RANBP2: variants seen among roughly 807,000 people sequenced by gnomAD.
RANBP2 encodes the protein RAN binding protein 2.
A neutral mutation model predicts 303.6 loss-of-function variants in RANBP2; 57 were observed. The ratio of observed to expected loss-of-function variants is 0.19; its 90% confidence interval spans 0.15 to 0.23. The LOEUF (loss-of-function observed/expected upper bound fraction) is 0.23. RANBP2 is among the 10% of genes least tolerant of loss of function. The probability of loss-of-function intolerance (pLI) is 1.00; values close to 1 mark genes in which losing one functional copy is unlikely to be tolerated. For missense variants in RANBP2, 3,138 were observed against 3,780.8 expected, an observed-to-expected ratio of 0.83 and a Z score of 4.46; for synonymous variants, 1,167 against 1,301.5, an observed-to-expected ratio of 0.90 and a Z score of 2.23.
chr2:109,593,282 T>G, the RANBP2 span, among the ~76,000 whole-genome samples: 2 of 152,236 alleles, frequency 1.3e-5, no homozygotes, highest in Non-Finnish European at 2.9e-5. Flanking sequence ...AATTGTGGCT[T>G]TCTTGCTGGA....
the RANBP2 span, among the ~76,000 whole-genome samples, chr2:109,045,905 C>G: frequency 6.6e-6 from 1 of 152,068 alleles, no homozygotes; most frequent in African/African-American, 2.4e-5. Context: ...CTGCCTTTGA[C>G]AGGGGTGTGG....
chr2:108,793,055 CT>C, the RANBP2 span, among the ~76,000 whole-genome samples: 178 of 142,066 alleles, frequency 1.3e-3, no homozygotes, highest in African/African-American at 4.6e-3. Context: ...CAGAGAGACT[CT>C]GTCTCAAAAA....
the RANBP2 span, among the ~76,000 whole-genome samples, chr2:109,116,211 T>C: frequency 1.3e-5 from 2 of 152,250 alleles, no homozygotes; most frequent in Admixed American, 6.5e-5. Context: ...TCCTGGATAA[T>C]ATCCTGCAGA....
the RANBP2 span, among the ~76,000 whole-genome samples, chr2:109,576,326 T>C: frequency 2.0e-5 from 3 of 152,142 alleles, no homozygotes; most frequent in African/African-American, 7.2e-5. Flanking sequence ...CTTGAACTCC[T>C]GGCCTTAAGC....
the RANBP2 span, among the ~76,000 whole-genome samples, chr2:108,864,866 T>G: frequency 6.6e-6 from 1 of 150,858 alleles, no homozygotes; most frequent in South Asian, 2.1e-4. Flanking sequence ...GAGGCTTTGG[T>G]GGGAGAATCA....
At chr2:109,214,474 A>AG in the RANBP2 span, among the ~76,000 whole-genome samples, 7 of 119,930 alleles carry the variant, frequency 5.8e-5, no homozygotes, top group African/African-American at 2.1e-4. Flanking sequence ...TAGAAAAGAG[A>AG]AAAAAAAAAA....
At chr2:109,526,248 C>T in the RANBP2 span, among the ~76,000 whole-genome samples, 1 of 152,180 alleles carries the variant, frequency 6.6e-6, no homozygotes, top group Non-Finnish European at 1.5e-5. Flanking sequence ...CCAGGGCTGC[C>T]TGCTGTTGCC....
the RANBP2 span, chr2:108,794,461 T>A: frequency 7.9e-7 from 1 of 1,270,998 alleles, no homozygotes; most frequent in Non-Finnish European, 1.1e-6. Context: ...TTAAAGCATC[T>A]CTTCCTAAAG....
the RANBP2 span, among the ~76,000 whole-genome samples, chr2:109,121,476 G>A: frequency 6.6e-6 from 1 of 152,158 alleles, no homozygotes; most frequent in Non-Finnish European, 1.5e-5. Flanking sequence ...CAGGTGCACA[G>A]CATCTGTTTC....
At chr2:109,445,449 T>A in the RANBP2 span, among the ~76,000 whole-genome samples, 2 of 152,128 alleles carry the variant, frequency 1.3e-5, no homozygotes, top group Non-Finnish European at 2.9e-5. Flanking sequence ...CAGATACAGA[T>A]TACTTACATA....
the RANBP2 span, among the ~76,000 whole-genome samples, chr2:109,596,510 G>A: frequency 2.6e-5 from 4 of 152,082 alleles, no homozygotes; most frequent in Admixed American, 6.5e-5. Flanking sequence ...CCAGCTACTC[G>A]GGAGGCTGAG....
the RANBP2 span, among the ~76,000 whole-genome samples, chr2:109,368,735 A>AGAAAGAAC: frequency 6.7e-6 from 1 of 150,082 alleles, no homozygotes; most frequent in African/African-American, 2.4e-5. Flanking sequence ...AAAAAGAAAA[A>AGAAAGAAC]GAAAGAACGA....
the RANBP2 span, among the ~76,000 whole-genome samples, chr2:109,452,833 A>G: frequency 6.1e-5 from 8 of 130,490 alleles, no homozygotes; most frequent in East Asian, 4.6e-4. Context: ...GGCTGGTGCC[A>G]GGAGGCTGGT....
At chr2:109,033,957 A>G in the RANBP2 span, among the ~76,000 whole-genome samples, 4 of 121,756 alleles carry the variant, frequency 3.3e-5, no homozygotes, top group Non-Finnish European at 6.5e-5. Context: ...CCTGACTCCA[A>G]AAAAAAAAAA....
chr2:109,269,329 T>C, the RANBP2 span, among the ~76,000 whole-genome samples: 1 of 152,210 alleles, frequency 6.6e-6, no homozygotes, highest in Non-Finnish European at 1.5e-5. Flanking sequence ...AAACCTTGCC[T>C]TCCCCCCGGG....
At chr2:109,720,474 C>T in the RANBP2 span, among the ~76,000 whole-genome samples, 2 of 152,120 alleles carry the variant, frequency 1.3e-5, no homozygotes, top group East Asian at 3.9e-4. Context: ...ATCTCTTTCA[C>T]AGGTAAGACC....
At chr2:109,564,245 G>T in the RANBP2 span, 1 of 889,370 alleles carries the variant, frequency 1.1e-6, no homozygotes, top group Non-Finnish European at 1.6e-6. Flanking sequence ...ATTACCAAAT[G>T]ATTCTATATC....
At chr2:109,445,132 AT>A in the RANBP2 span, among the ~76,000 whole-genome samples, 1 of 152,244 alleles carries the variant, frequency 6.6e-6, no homozygotes, top group Non-Finnish European at 1.5e-5. Context: ...AGAGGAATTT[AT>A]CCAGAATACA....
At chr2:108,761,398 G>T (rs2149264659) in intron 18 of RANBP2, among the ~76,000 whole-genome samples, 1 of 152,186 alleles carries the variant, frequency 6.6e-6, no homozygotes, top group Admixed American at 6.6e-5. Flanking sequence ...AGGCATAAAA[G>T]GTCTTTTGGT....
Sources: gnomAD v4.1 joint callset for allele counts (sites outside exome capture counted in the v4.1 genomes callset) on GRCh38, gnomAD v4.1.1 for gene constraint, MANE v1.5 for transcripts, NCBI Gene and HGNC (gene_info 2026-07-23, HGNC 2026-07-21) for gene names.